The following DPP10 variants were observed in gnomAD, a reference collection of about 807,000 sequenced individuals.
The protein encoded by DPP10 is dipeptidyl peptidase like 10.
A neutral mutation model predicts 120.9 loss-of-function variants in DPP10; 33 were observed. The observed-to-expected ratio is 0.27, with a 90% CI of 0.21 to 0.37. DPP10 has a LOEUF of 0.37. DPP10 is among the 10% of genes least tolerant of loss of function. The pLI is 1.00. For missense variants in DPP10, 816 were observed against 942.8 expected (o/e 0.87, Z 1.76); for synonymous variants, 337 against 326.1 (o/e 1.03, Z -0.36).
intron 1 of DPP10, among the ~76,000 whole-genome samples, chr2:114,592,943 T>A (rs941642171): frequency 2.6e-5 from 4 of 152,194 alleles, no homozygotes; most frequent in African/African-American, 9.7e-5. Context: ...CTATGTGTTG[T>A]TGGTCTTTTT....
In DPP10 at chr2:115,140,593, A is replaced by G. The variant is rs544349333; in HGVS notation, c.61-168646A>G. 7.4e-4 allele frequency among the ~76,000 whole-genome samples: 112 copies of G among 152,320 alleles called. 2 individuals carry two copies. The highest frequency in any genetic ancestry group is 2.4e-3 in the African/African-American group (100 of 41,576). ...GAAACTGAAAAGAAGGAAGACAACA[A>G]CAAGCTGTTGCAACAATTCAGACCA... On this transcript the variant is annotated intron_variant, in intron 1 of 25. Coordinates refer to ENST00000410059, the MANE Select transcript of DPP10 (RefSeq NM_020868.6).
At chr2:115,490,284 G>A (rs903572663) in intron 3 of DPP10, among the ~76,000 whole-genome samples, 1 of 152,168 alleles carries the variant, frequency 6.6e-6, no homozygotes, top group Non-Finnish European at 1.5e-5. Flanking sequence ...TCACAGGGCA[G>A]CAGGAGAGAG....
At chr2:114,665,321 T>C (rs546824586) in intron 1 of DPP10, among the ~76,000 whole-genome samples, 1 of 152,302 alleles carries the variant, frequency 6.6e-6, no homozygotes, top group African/African-American at 2.4e-5. Context: ...CAGCTTTTTC[T>C]ACATCCCTGC....
At chr2:115,497,023 C>A (rs1044726151) in intron 3 of DPP10, among the ~76,000 whole-genome samples, 1 of 151,864 alleles carries the variant, frequency 6.6e-6, no homozygotes, top group African/African-American at 2.4e-5. Context: ...CCAGGTGAGG[C>A]CAGTCTGAAA....
chr2:115,076,014 C>A (rs1042633561), intron 1 of DPP10, among the ~76,000 whole-genome samples: 5 of 152,194 alleles, frequency 3.3e-5, no homozygotes, highest in Admixed American at 6.5e-5. Context: ...TCACCCTGTG[C>A]TACACACAGG....
intron 1 of DPP10, among the ~76,000 whole-genome samples, chr2:115,100,057 T>C (rs2048602750): frequency 6.6e-6 from 1 of 152,170 alleles, no homozygotes; most frequent in South Asian, 2.1e-4. Context: ...GAATTTCTGC[T>C]CTTTCCAGAG....
chr2:114,864,393 A>G (rs982166430), intron 1 of DPP10, among the ~76,000 whole-genome samples: 4 of 152,206 alleles, frequency 2.6e-5, no homozygotes, highest in African/African-American at 4.8e-5. Context: ...GGAGACAACA[A>G]TATTAACAGC....
intron 4 of DPP10, among the ~76,000 whole-genome samples, chr2:115,525,658 TA>T: frequency 6.6e-6 from 1 of 152,056 alleles, no homozygotes; most frequent in Non-Finnish European, 1.5e-5. Flanking sequence ...CTTTAAGAGA[TA>T]ACATATAGAA....
At chr2:114,656,819 G>A (rs1697000724) in intron 1 of DPP10, among the ~76,000 whole-genome samples, 1 of 152,106 alleles carries the variant, frequency 6.6e-6, no homozygotes, top group Non-Finnish European at 1.5e-5. Flanking sequence ...TAATTCTATT[G>A]CTACTTTCAA....
chr2:114,707,056 C>A (rs1700728843), intron 1 of DPP10: 1 of 152,152 alleles, frequency 6.6e-6, no homozygotes, highest in Admixed American at 6.6e-5. Context: ...GAGGGGGATG[C>A]CACACAGATG....
intron 1 of DPP10, among the ~76,000 whole-genome samples, chr2:114,681,338 C>T (rs1558997805): frequency 6.6e-6 from 1 of 151,942 alleles, no homozygotes; most frequent in Non-Finnish European, 1.5e-5. Context: ...AGGAAATCCG[C>T]AACTCTCAAG....
At chr2:115,364,643 CT>C (rs2064980618) in intron 3 of DPP10, among the ~76,000 whole-genome samples, 1 of 137,294 alleles carries the variant, frequency 7.3e-6, no homozygotes, top group African/African-American at 2.7e-5. Flanking sequence ...TTTTTTTTTC[CT>C]TTAAGTTGCC....
chr2:115,326,734 A>G (rs1202383261), intron 2 of DPP10, among the ~76,000 whole-genome samples: 1 of 152,082 alleles, frequency 6.6e-6, no homozygotes, highest in Non-Finnish European at 1.5e-5. Flanking sequence ...AAATATTAAA[A>G]TAGACAAAGG....
chr2:114,972,391 G>A (rs951143722), intron 1 of DPP10, among the ~76,000 whole-genome samples: 1 of 152,150 alleles, frequency 6.6e-6, no homozygotes, highest in Non-Finnish European at 1.5e-5. Flanking sequence ...ATTGATTATT[G>A]TATATTATTT....
rs148842515 is a variant in DPP10 at position 115,703,634 on chromosome 2, G to A, written c.576+13713G>A. Among the ~76,000 whole-genome samples, 1,369 of 152,096 alleles carry A rather than the reference G, an allele frequency of 9.0e-3. 6 individuals carry two copies. Among genetic ancestry groups the A allele is most frequent in the Middle Eastern group, 0.031 (9 of 294 alleles). ...TCATATTGTACCCTTAAGGCCTTCA[G>A]CTGATTGGCTAAGGACCATCCATAT... is the stretch of plus-strand genomic sequence containing the variant. On this transcript the variant is annotated intron_variant, in intron 7 of 25. Coordinates refer to ENST00000410059, the MANE Select transcript of DPP10 (RefSeq NM_020868.6).
At chr2:115,180,675 C>T (rs1227039324) in intron 1 of DPP10, among the ~76,000 whole-genome samples, 1 of 152,090 alleles carries the variant, frequency 6.6e-6, no homozygotes, top group Non-Finnish European at 1.5e-5. Flanking sequence ...AAGTTATGCC[C>T]CTGAATACAT....
rs570686107 is a variant in DPP10, at chr2:115,806,563, A to C, written c.1701-8230A>C. On this transcript the variant is annotated intron_variant, in intron 19 of 25. Coordinates refer to ENST00000410059, the MANE Select transcript of DPP10 (RefSeq NM_020868.6). ...AACCAGTATTGTATCACCACCATAC[A>C]TTACTGAAGGTGTCATGATGCCCTA... 1.0e-3 allele frequency among the ~76,000 whole-genome samples: 157 copies of C among 152,324 alleles called. 1 individual carries two copies. The highest frequency in any genetic ancestry group is 3.5e-3 in the African/African-American group (145 of 41,578).
In DPP10 at chr2:115,362,396, T is replaced by G. The variant is rs1574560067; in HGVS notation, c.271+18484T>G. On this transcript the variant is annotated intron_variant, in intron 3 of 25. Transcript: ENST00000410059. ...TTATTTTATAAATGAAGAGCTTGAG[T>G]TTAAAGCAAATAGGTGACTTGTTCA... Among the ~76,000 whole-genome samples, 3 of 152,268 alleles carry G rather than the reference T, an allele frequency of 2.0e-5. No homozygotes were observed. The South Asian group carries it at 6.2e-4, about 32-fold the overall frequency.
intron 1 of DPP10, among the ~76,000 whole-genome samples, chr2:115,141,810 G>A (rs1337555827): frequency 6.6e-6 from 1 of 152,070 alleles, no homozygotes; most frequent in Non-Finnish European, 1.5e-5. Flanking sequence ...GTCTCGCTCT[G>A]TCACCCAGGC....
Sources: allele counts gnomAD v4.1 joint callset (sites outside exome capture counted in the v4.1 genomes callset), GRCh38; gene constraint gnomAD v4.1.1; transcripts MANE v1.5; gene names NCBI Gene and HGNC (gene_info 2026-07-23, HGNC 2026-07-21).